The following NWD2 variants were observed in gnomAD, a reference collection of about 807,000 sequenced individuals.
NWD2 encodes NACHT and WD repeat domain containing 2.
In NWD2, 37 loss-of-function variants were observed where a neutral mutation model predicts 132.7. The observed-to-expected ratio is 0.28, with a 90% confidence interval of 0.21 to 0.37. The LOEUF is 0.37. NWD2 is among the 10% of genes least tolerant of loss of function. NWD2 has a pLI of 1.00. For synonymous variants in NWD2, 705 were observed against 803.0 expected, an observed-to-expected ratio of 0.88 and a Z score of 2.06; for missense variants, 1,592 against 2,122.4, an observed-to-expected ratio of 0.75 and a Z score of 4.91.
rs58927016 is a variant in NWD2, at chr4:37,291,304, G to A, written c.152-34632G>A. 5.9e-3 allele frequency among the ~76,000 whole-genome samples: 891 copies of A among 151,782 alleles called. 9 individuals are homozygous for A. Among genetic ancestry groups the A allele is most frequent in the African/African-American group, 0.021 (859 of 41,370 alleles). The stretch of plus-strand genomic sequence containing the variant: ...GATTGCTGTGGGACTTAACCTTTTT[G>A]TTCATCCGAGATAAGATTAAATAGG... On this transcript the variant is annotated intron_variant, in intron 1 of 6. Transcript: ENST00000309447.
intron 1 of NWD2, among the ~76,000 whole-genome samples, chr4:37,293,854 A>C (rs1718418390): frequency 6.6e-6 from 1 of 151,546 alleles, no homozygotes; most frequent in Non-Finnish European, 1.5e-5. Context: ...GGTAGTACTT[A>C]ACAAATGTTA....
At chr4:37,314,281 C>T (rs922302987) in intron 1 of NWD2, among the ~76,000 whole-genome samples, 1 of 151,898 alleles carries the variant, frequency 6.6e-6, no homozygotes, top group Admixed American at 6.6e-5. Flanking sequence ...TGATGTCTGT[C>T]TGGTTTTGGG....
intron 1 of NWD2, among the ~76,000 whole-genome samples, chr4:37,322,188 C>A (rs1024382477): frequency 2.6e-5 from 4 of 152,040 alleles, no homozygotes; most frequent in African/African-American, 9.7e-5. Context: ...AGAGATGCAG[C>A]CATGAGTGAG....
At chr4:37,419,802 A>G (rs1200840088) in intron 3 of NWD2, among the ~76,000 whole-genome samples, 3 of 152,336 alleles carry the variant, frequency 2.0e-5, no homozygotes, top group South Asian at 4.1e-4. Context: ...TTTCTTGTTT[A>G]TATTAACACT....
intron 1 of NWD2, among the ~76,000 whole-genome samples, chr4:37,317,948 AT>A (rs1209370732): frequency 6.6e-6 from 1 of 150,774 alleles, no homozygotes; most frequent in African/African-American, 2.4e-5. Flanking sequence ...GATACAAACT[AT>A]TCGCTCATTC....
chr4:37,408,062 A>T (rs796503394), intron 3 of NWD2, among the ~76,000 whole-genome samples: 5 of 152,320 alleles, frequency 3.3e-5, no homozygotes, highest in African/African-American at 1.2e-4. Context: ...TGTCTACTCC[A>T]TCAGGGCCCT....
At chr4:37,348,669 T>TAC (rs1457233504) in intron 2 of NWD2, among the ~76,000 whole-genome samples, 57 of 73,600 alleles carry the variant, frequency 7.7e-4, no homozygotes, top group East Asian at 1.9e-3. Flanking sequence ...TATATATATA[T>TAC]ATATATACAC....
At chr4:37,427,383 G>A (rs1560253149) in intron 3 of NWD2, among the ~76,000 whole-genome samples, 1 of 152,134 alleles carries the variant, frequency 6.6e-6, no homozygotes, top group Non-Finnish European at 1.5e-5. Context: ...CTGTGTGTGT[G>A]ATAAAATAAA....
At chr4:37,345,265 A>G (rs1381554365) in intron 2 of NWD2, among the ~76,000 whole-genome samples, 1 of 152,178 alleles carries the variant, frequency 6.6e-6, no homozygotes, top group Non-Finnish European at 1.5e-5. Context: ...TCATGTGGTA[A>G]GTCTCTGTTT....
intron 1 of NWD2, among the ~76,000 whole-genome samples, chr4:37,250,150 G>A (rs1411656559): frequency 7.9e-6 from 1 of 127,388 alleles, no homozygotes; most frequent in East Asian, 3.1e-4. Context: ...AAGCATATAT[G>A]TGTGTGTATA....
At chr4:37,341,610 C>A (rs1719527403) in intron 2 of NWD2, among the ~76,000 whole-genome samples, 1 of 152,136 alleles carries the variant, frequency 6.6e-6, no homozygotes, top group African/African-American at 2.4e-5. Context: ...TAGACACTAT[C>A]TTTGGGATGA....
Position 37,445,192 on chromosome 4 carries a change from C to A in NWD2, c.3204C>A (p.Ala1068=), listed in dbSNP as rs1399261638. 1 of 1,551,846 alleles carries A rather than the reference C, an allele frequency of 6.4e-7. No individual in the cohort carries two copies. The highest frequency in any genetic ancestry group is 1.4e-5 in the African/African-American group (1 of 73,062). ...ATYINGFTLS[A]NHALAWLEAS... ...ACATCAATGGATTTACACTGTCCGCCAACCACGCCCTTGCATGGCTCGAAG... is the reference window on the plus strand; with the variant it reads ...ACATCAATGGATTTACACTGTCCGCAAACCACGCCCTTGCATGGCTCGAAG... The change falls in exon 7 of 7, where the codon GCC becomes GCA. Residue 1068 remains alanine, a synonymous_variant. Coordinates refer to ENST00000309447, the MANE Select transcript of NWD2 (RefSeq NM_001144990.2). The surrounding 1 kb of genome is among the most constrained non-coding windows in gnomAD (Gnocchi z 4.7).
intron 3 of NWD2, among the ~76,000 whole-genome samples, chr4:37,428,702 A>G (rs1367674799): frequency 6.6e-6 from 1 of 152,232 alleles, no homozygotes; most frequent in Non-Finnish European, 1.5e-5. Flanking sequence ...AGCAACCTTG[A>G]AAGTGTTGCT....
intron 1 of NWD2, among the ~76,000 whole-genome samples, chr4:37,305,275 G>T (rs1718687992): frequency 1.3e-5 from 2 of 152,224 alleles, no homozygotes; most frequent in South Asian, 4.1e-4. Flanking sequence ...CCAGGCCTGT[G>T]ATGGGAAGGG....
intron 3 of NWD2, among the ~76,000 whole-genome samples, chr4:37,405,519 A>C (rs988182455): frequency 6.6e-6 from 1 of 152,128 alleles, no homozygotes; most frequent in African/African-American, 2.4e-5. Flanking sequence ...TGCATGTAAT[A>C]AAGTTAACAA....
rs1470307160 is a variant in NWD2 at position 37,444,457 on chromosome 4, A to G, written c.2469A>G (p.Glu823=). The part of the protein sequence containing the change: ...QPWVFQCNPL[E]PDIFFVNHRK... Reference sequence around the variant, plus strand: ...GGGTTTTCCAGTGTAATCCCCTGGAACCTGACATCTTTTTCGTTAATCATC... The same window carrying G: ...GGGTTTTCCAGTGTAATCCCCTGGAGCCTGACATCTTTTTCGTTAATCATC... The change falls in exon 7 of 7, where the codon GAA becomes GAG. Residue 823 remains glutamate (E), a synonymous_variant. Coordinates refer to ENST00000309447, the MANE Select transcript of NWD2 (RefSeq NM_001144990.2). This position sits in a 1 kb window ranked among gnomAD's most constrained non-coding sequence, Gnocchi z 4.8. 1.3e-6 allele frequency: 2 copies of G among 1,551,746 alleles called. No homozygotes were observed. Among genetic ancestry groups the G allele is most frequent in the African/African-American group, 2.7e-5 (2 of 72,994 alleles).
chr4:37,376,718 A>G (rs1228566095), intron 3 of NWD2, among the ~76,000 whole-genome samples: 1 of 152,206 alleles, frequency 6.6e-6, no homozygotes, highest in Non-Finnish European at 1.5e-5. Context: ...ATATATGCAA[A>G]GTGTTTAGTG....
intron 3 of NWD2, among the ~76,000 whole-genome samples, chr4:37,384,915 GTCT>G (rs1176585295): frequency 6.6e-6 from 1 of 152,180 alleles, no homozygotes; most frequent in African/African-American, 2.4e-5. Flanking sequence ...AAAGCCTGAA[GTCT>G]TCTGCTCAGC....
intron 3 of NWD2, among the ~76,000 whole-genome samples, chr4:37,417,023 A>G (rs1364776843): frequency 6.6e-6 from 1 of 152,198 alleles, no homozygotes; most frequent in Non-Finnish European, 1.5e-5. Context: ...GAGTTCAGGA[A>G]TCTCAGAAAT....
Sources: allele counts gnomAD v4.1 joint callset (sites outside exome capture counted in the v4.1 genomes callset), GRCh38; gene constraint gnomAD v4.1.1; non-coding constraint Gnocchi (gnomAD v3.1); transcripts MANE v1.5; gene names NCBI Gene and HGNC (gene_info 2026-07-23, HGNC 2026-07-21).